Variants in ZNF345 observed in about 807,000 individuals in gnomAD.
ZNF345 encodes zinc finger protein HZF10.
For synonymous variants in ZNF345, 166 were observed against 187.9 expected (o/e 0.88, Z 0.95); for missense variants, 527 against 589.9 (o/e 0.89, Z 1.10).
At chr19:36,885,092 CTG>C (rs1027576880) in intron 3 of ZNF345, among the ~76,000 whole-genome samples, 28 of 152,056 alleles carry the variant, frequency 1.8e-4, no homozygotes, top group African/African-American at 5.6e-4. Context: ...CACAAAGAAT[CTG>C]TAAGGGTTTC....
rs1353044588 is a variant in ZNF345 at position 36,879,414 on chromosome 19, T to C, written c.*1117T>C. 2 of 167,088 alleles carry C rather than the reference T, an allele frequency of 1.2e-5. No homozygotes were observed. The highest frequency in any genetic ancestry group is 2.9e-5 in the Non-Finnish European group (2 of 68,116). 10.4% of individuals were successfully genotyped at this position (167,088 alleles called of 1,614,324 possible). Reference sequence around the variant, plus strand: ...CAAATCCTTTAATACTATCTCTCATTGTTTTGGAAACAAGGTGTGATTATG... The same window carrying C: ...CAAATCCTTTAATACTATCTCTCATCGTTTTGGAAACAAGGTGTGATTATG... On this transcript the variant is annotated 3_prime_UTR_variant, in exon 3 of 3. Coordinates refer to ENST00000420450, the MANE Select transcript of ZNF345 (RefSeq NM_001242472.2).
intron 2 of ZNF345, among the ~76,000 whole-genome samples, chr19:36,856,521 C>A (rs2146129120): frequency 6.6e-6 from 1 of 152,046 alleles, no homozygotes; most frequent in Middle Eastern, 3.4e-3. Flanking sequence ...GATTTTCTTT[C>A]AAAAACCTTT....
chr19:36,872,340 C>A (rs1376313025), intron 2 of ZNF345, among the ~76,000 whole-genome samples: 1 of 152,146 alleles, frequency 6.6e-6, no homozygotes, highest in Non-Finnish European at 1.5e-5. Context: ...AATTTTCCCC[C>A]CATTGTTGGA....
intron 2 of ZNF345, among the ~76,000 whole-genome samples, chr19:36,874,912 G>A (rs1284779875): frequency 2.6e-5 from 4 of 152,128 alleles, no homozygotes; most frequent in African/African-American, 7.2e-5. Context: ...GAAAGCGTAC[G>A]GGGATAAATG....
intron 2 of ZNF345, among the ~76,000 whole-genome samples, chr19:36,856,738 T>A (rs2072426322): frequency 6.6e-6 from 1 of 151,710 alleles, no homozygotes; most frequent in African/African-American, 2.4e-5. Context: ...TACCTGTAAT[T>A]CCAGCTACCT....
At chr19:36,854,380 A>G (rs563500949) in intron 2 of ZNF345, 1 of 152,298 alleles carries the variant, frequency 6.6e-6, no homozygotes, top group Non-Finnish European at 1.5e-5. Context: ...CAAGAAAGGA[A>G]TTGAAAATTC....
chr19:36,891,735 A>G (rs2073055189), intron 3 of ZNF345: 1 of 1,614,032 alleles, frequency 6.2e-7, no homozygotes, highest in African/African-American at 1.3e-5. Flanking sequence ...CTTCACATTC[A>G]TAGAGCTTCT....
chr19:36,866,981 T>G (rs1052080563), intron 2 of ZNF345, among the ~76,000 whole-genome samples: 2 of 152,248 alleles, frequency 1.3e-5, no homozygotes, highest in Admixed American at 1.3e-4. Context: ...ATTTTACTCT[T>G]AATAAAACTG....
At chr19:36,860,933 T>G (rs946552439) in intron 2 of ZNF345, among the ~76,000 whole-genome samples, 5 of 152,076 alleles carry the variant, frequency 3.3e-5, no homozygotes, top group African/African-American at 1.2e-4. Context: ...ATAGTAATAA[T>G]GGGAGGGTTT....
intron 2 of ZNF345, among the ~76,000 whole-genome samples, chr19:36,855,800 C>G (rs1257051903): frequency 6.6e-6 from 1 of 152,282 alleles, no homozygotes. Flanking sequence ...ATCACCTCCA[C>G]TGTGCTGTGT....
At position 36,867,289 on chromosome 19, in the gene ZNF345, T is replaced by G. The variant is rs747046081; in HGVS notation, c.-46-9496T>G. ...ACATCTTTTCATTTGTATTATCTTT[T>G]ATCTCCTTTTCTCATTTTTTCCCCA... On this transcript the variant is annotated intron_variant, in intron 2 of 2. Transcript: ENST00000420450. 4.1e-4 allele frequency among the ~76,000 whole-genome samples: 62 copies of G among 152,206 alleles called. 1 individual carries two copies. Among genetic ancestry groups the G allele is most frequent in the Non-Finnish European group, 1.2e-4 (8 of 68,034 alleles).
downstream of ZNF345, among the ~76,000 whole-genome samples, chr19:36,882,051 G>GTTGTT (rs1555724604): frequency 5.9e-4 from 80 of 134,666 alleles, no homozygotes; most frequent in African/African-American, 7.8e-4. Flanking sequence ...CATTTTACTT[G>GTTGTT]TTTTTTTTTT....
intron 2 of ZNF345, among the ~76,000 whole-genome samples, chr19:36,865,777 A>C (rs1188325140): frequency 2.6e-5 from 4 of 152,198 alleles, no homozygotes; most frequent in African/African-American, 7.2e-5. Flanking sequence ...GGACATGCAC[A>C]TATTTGACGT....
rs752709280 is a variant in ZNF345, at chr19:36,878,005, A to G, written c.1175A>G (p.His392Arg). 4.3e-6 allele frequency: 7 copies of G among 1,613,964 alleles called. No individual in the cohort carries two copies. In the South Asian group the frequency reaches 7.7e-5, roughly 18 times the overall value. ...GSKLIQHQLI[H>R]TGERPYECKE... ...AAACTTATCCAACACCAGCTAATCC[A>G]TACTGGTGAAAGACCCTATGAATGT... is the stretch of plus-strand genomic sequence containing the variant. The change falls in exon 3 of 3, where the codon CAT (histidine) becomes CGT (arginine). Residue 392 changes from histidine to arginine, a missense_variant. Physicochemically the swap from His to Arg is conservative, Grantham distance 29. Coordinates refer to ENST00000420450, the MANE Select transcript of ZNF345 (RefSeq NM_001242472.2).
intron 2 of ZNF345, among the ~76,000 whole-genome samples, chr19:36,859,750 T>C (rs1383923681): frequency 6.6e-6 from 1 of 152,184 alleles, no homozygotes; most frequent in African/African-American, 2.4e-5. Context: ...TTGAAACTTG[T>C]AGAAGTTAAA....
intron 3 of ZNF345, chr19:36,888,238 TGTTTG>T (rs1393675481): frequency 1.3e-5 from 2 of 152,194 alleles, no homozygotes; most frequent in Non-Finnish European, 2.9e-5. Flanking sequence ...TGTGCTGTCT[TGTTTG>T]ATCAAAAGTT....
chr19:36,883,572 G>A (rs2072980534), downstream of ZNF345, among the ~76,000 whole-genome samples: 1 of 152,126 alleles, frequency 6.6e-6, no homozygotes, highest in Non-Finnish European at 1.5e-5. Context: ...AAGTAATATT[G>A]TACACCTATG....
At chr19:36,874,672 A>G (rs2072846753) in intron 2 of ZNF345, among the ~76,000 whole-genome samples, 1 of 147,966 alleles carries the variant, frequency 6.8e-6, no homozygotes, top group African/African-American at 2.5e-5. Context: ...CCAGGTACTG[A>G]GGAGGCTGAG....
chr19:36,880,997 C>G (rs2072964633), downstream of ZNF345, among the ~76,000 whole-genome samples: 1 of 151,818 alleles, frequency 6.6e-6, no homozygotes, highest in African/African-American at 2.4e-5. Flanking sequence ...AACAAAAACC[C>G]TAAGGATAAT....
Sources: gnomAD v4.1 joint callset for allele counts (sites outside exome capture counted in the v4.1 genomes callset) on GRCh38, gnomAD v4.1.1 for gene constraint, MANE v1.5 for transcripts, NCBI Gene and HGNC (gene_info 2026-07-23, HGNC 2026-07-21) for gene names.